The following DPP10 variants were observed in gnomAD, a reference collection of about 807,000 sequenced individuals.
The protein encoded by DPP10 is dipeptidyl peptidase like 10, also known as inactive dipeptidyl peptidase 10.
Under a neutral mutation model 120.9 loss-of-function variants are expected in DPP10, and 33 were observed. The ratio of observed to expected loss-of-function variants is 0.27; its 90% CI spans 0.21 to 0.37. The LOEUF (loss-of-function observed/expected upper bound fraction) is 0.37. Among genes scored for constraint, DPP10 ranks in the 10% least tolerant of loss-of-function variants. DPP10 has a pLI of 1.00. For synonymous variants in DPP10, 337 were observed against 326.1 expected (o/e 1.03, Z -0.36); for missense variants, 816 against 942.8 (o/e 0.87, Z 1.76).
At chr2:114,522,691 TAA>T (rs1344530422) in intron 1 of DPP10, among the ~76,000 whole-genome samples, 1 of 152,132 alleles carries the variant, frequency 6.6e-6, no homozygotes, top group East Asian at 1.9e-4. Flanking sequence ...AAGCTGCTGA[TAA>T]AGACATAACA....
intron 1 of DPP10, among the ~76,000 whole-genome samples, chr2:114,879,936 G>T (rs1225160564): frequency 6.6e-6 from 1 of 152,110 alleles, no homozygotes; most frequent in Non-Finnish European, 1.5e-5. Flanking sequence ...CACTAATAAA[G>T]ACTAAGATGA....
chr2:115,261,388 C>T (rs2059244348), intron 1 of DPP10, among the ~76,000 whole-genome samples: 1 of 152,094 alleles, frequency 6.6e-6, no homozygotes, highest in African/African-American at 2.4e-5. Flanking sequence ...GTATGGAACG[C>T]ATGGTGAAGA....
At chr2:115,256,082 A>T in intron 1 of DPP10, among the ~76,000 whole-genome samples, 1 of 152,154 alleles carries the variant, frequency 6.6e-6, no homozygotes, top group East Asian at 1.9e-4. Flanking sequence ...CATACATGAG[A>T]CCGGGTAATT....
intron 5 of DPP10, among the ~76,000 whole-genome samples, chr2:115,534,600 A>G (rs566151084): frequency 0.012 from 1,788 of 152,120 alleles, 33 homozygotes; most frequent in African/African-American, 0.041. Context: ...TAGCAGCATG[A>G]TTCATAGTCC....
chr2:115,146,360 G>C (rs1316571714), intron 1 of DPP10, among the ~76,000 whole-genome samples: 5 of 151,956 alleles, frequency 3.3e-5, no homozygotes, highest in East Asian at 1.9e-4. Flanking sequence ...AGGATTACTC[G>C]AAGTCCAAGT....
chr2:114,648,132 G>C (rs1696277329), intron 1 of DPP10, among the ~76,000 whole-genome samples: 1 of 152,098 alleles, frequency 6.6e-6, no homozygotes, highest in African/African-American at 2.4e-5. Flanking sequence ...CCTGTGAGTT[G>C]TATCACCCTG....
intron 1 of DPP10, among the ~76,000 whole-genome samples, chr2:115,157,674 G>A (rs538268121): frequency 6.6e-6 from 1 of 152,272 alleles, no homozygotes; most frequent in Non-Finnish European, 1.5e-5. Context: ...TTCAAAACCC[G>A]ATTGAGGTGA....
intron 4 of DPP10, among the ~76,000 whole-genome samples, chr2:115,511,716 C>A (rs1186196851): frequency 8.0e-6 from 1 of 124,636 alleles, no homozygotes; most frequent in Non-Finnish European, 1.6e-5. Context: ...TCTTCTTCTT[C>A]TTCTTCTTCT....
chr2:115,749,106 GA>G (rs1428288780), intron 10 of DPP10, among the ~76,000 whole-genome samples: 2 of 152,136 alleles, frequency 1.3e-5, no homozygotes, highest in Non-Finnish European at 2.9e-5. Flanking sequence ...TCTCATCTTG[GA>G]AGGAAGAAAC....
At chr2:114,770,873 A>T (rs1681187821) in intron 1 of DPP10, among the ~76,000 whole-genome samples, 1 of 149,974 alleles carries the variant, frequency 6.7e-6, no homozygotes, top group African/African-American at 2.4e-5. Context: ...TTTTGAAATG[A>T]GTTTTATGTC....
chr2:114,568,203 G>T (rs573207022), intron 1 of DPP10, among the ~76,000 whole-genome samples: 50 of 151,908 alleles, frequency 3.3e-4, no homozygotes, highest in African/African-American at 1.2e-3. Context: ...ATATATTTAT[G>T]GGGGCACATG....
chr2:115,115,149 T>C (rs1480967791), intron 1 of DPP10, among the ~76,000 whole-genome samples: 2 of 151,996 alleles, frequency 1.3e-5, no homozygotes, highest in Non-Finnish European at 2.9e-5. Context: ...CAGGAGGTGT[T>C]ATAGAAAACG....
At chr2:115,534,774 T>C (rs928740284) in intron 5 of DPP10, among the ~76,000 whole-genome samples, 5 of 151,226 alleles carry the variant, frequency 3.3e-5, no homozygotes, top group Non-Finnish European at 5.9e-5. Flanking sequence ...CAGCACCTGT[T>C]GTTTCCTGAC....
chr2:115,329,871 A>G (rs557618009), intron 2 of DPP10, among the ~76,000 whole-genome samples: 9 of 152,246 alleles, frequency 5.9e-5, no homozygotes, highest in Non-Finnish European at 1.3e-4. Flanking sequence ...AGTCTTTGCT[A>G]TTGTGAATAG....
chr2:115,390,285 G>A (rs1393510102), intron 3 of DPP10, among the ~76,000 whole-genome samples: 3 of 152,158 alleles, frequency 2.0e-5, no homozygotes, highest in Non-Finnish European at 4.4e-5. Context: ...ATCATCCAAC[G>A]AAATAAAGCT....
intron 7 of DPP10, among the ~76,000 whole-genome samples, chr2:115,724,470 A>T: frequency 6.6e-6 from 1 of 152,242 alleles, no homozygotes; most frequent in East Asian, 1.9e-4. Flanking sequence ...TGAAACATTT[A>T]TGACATATTT....
chr2:115,031,728 A>G lies in DPP10; in HGVS notation c.61-277511A>G, dbSNP rs551626150. Among the ~76,000 whole-genome samples, 46 of 152,282 alleles carry G rather than the reference A, an allele frequency of 3.0e-4. 1 individual carries two copies. In the South Asian group the frequency reaches 8.5e-3, roughly 28 times the overall value. Reference sequence around the variant, plus strand: ...TTTTTTTAAAATAATGTGACGAAGCAGCTTTTAGTTATTTAGCATTTCTAA... The same window carrying G: ...TTTTTTTAAAATAATGTGACGAAGCGGCTTTTAGTTATTTAGCATTTCTAA... On this transcript the variant is annotated intron_variant, in intron 1 of 25. Transcript: ENST00000410059.
At chr2:115,290,141 A>G (rs2060594046) in intron 1 of DPP10, among the ~76,000 whole-genome samples, 1 of 152,150 alleles carries the variant, frequency 6.6e-6, no homozygotes, top group Admixed American at 6.6e-5. Flanking sequence ...AATTCAAACA[A>G]ATAAACAAGG....
intron 1 of DPP10, among the ~76,000 whole-genome samples, chr2:114,568,262 G>A (rs1689364198): frequency 6.6e-6 from 1 of 151,770 alleles, no homozygotes; most frequent in Admixed American, 6.6e-5. Context: ...GGGTATTTGG[G>A]GTATCTACCA....
Sources: gnomAD v4.1 joint callset for allele counts (sites outside exome capture counted in the v4.1 genomes callset) on GRCh38, gnomAD v4.1.1 for gene constraint, MANE v1.5 for transcripts, NCBI Gene and HGNC (gene_info 2026-07-23, HGNC 2026-07-21) for gene names.